NWD2: variants seen among roughly 807,000 people sequenced by gnomAD.
NWD2 encodes the protein NACHT and WD repeat domain-containing protein 2.
Under a neutral mutation model 132.7 loss-of-function variants are expected in NWD2, and 37 were observed. The ratio of observed to expected loss-of-function variants is 0.28; its 90% confidence interval spans 0.21 to 0.37. NWD2 has a LOEUF of 0.37. Ranked by LOEUF, NWD2 falls within the 10% of genes least tolerant of loss-of-function variation. NWD2 has a pLI of 1.00. For missense variants in NWD2, 1,592 were observed against 2,122.4 expected (o/e 0.75, Z 4.91); for synonymous variants, 705 against 803.0 (o/e 0.88, Z 2.06).
At chr4:37,385,250 T>C (rs1169516103) in intron 3 of NWD2, among the ~76,000 whole-genome samples, 1 of 152,128 alleles carries the variant, frequency 6.6e-6, no homozygotes, top group Admixed American at 6.5e-5. Context: ...ATTTAGGGGA[T>C]CAGTAAATAT....
intron 3 of NWD2, among the ~76,000 whole-genome samples, chr4:37,408,644 G>A (rs1721093403): frequency 6.6e-6 from 1 of 152,196 alleles, no homozygotes; most frequent in Non-Finnish European, 1.5e-5. Context: ...TCTGAAGAGA[G>A]CAGCAGACCT....
At chr4:37,365,869 G>C (rs917109593) in intron 3 of NWD2, among the ~76,000 whole-genome samples, 43 of 152,340 alleles carry the variant, frequency 2.8e-4, no homozygotes, top group African/African-American at 9.6e-4. Flanking sequence ...AAGTGGACGG[G>C]AGAGTACTCA....
intron 3 of NWD2, among the ~76,000 whole-genome samples, chr4:37,394,684 G>A (rs1024040604): frequency 6.6e-6 from 1 of 151,158 alleles, no homozygotes; most frequent in African/African-American, 2.4e-5. Flanking sequence ...TTACTAACTA[G>A]TGTTTGCAGT....
intron 1 of NWD2, among the ~76,000 whole-genome samples, chr4:37,324,285 A>G (rs1190373206): frequency 6.6e-6 from 1 of 152,134 alleles, no homozygotes; most frequent in Non-Finnish European, 1.5e-5. Context: ...TTCTTATATT[A>G]TTACATAATT....
At chr4:37,352,666 A>G (rs1719794024) in intron 2 of NWD2, among the ~76,000 whole-genome samples, 2 of 152,108 alleles carry the variant, frequency 1.3e-5, no homozygotes, top group Non-Finnish European at 2.9e-5. Context: ...GTTTTATCAG[A>G]GACTAGGATT....
chr4:37,310,888 G>T (rs1312230851), intron 1 of NWD2, among the ~76,000 whole-genome samples: 4 of 148,180 alleles, frequency 2.7e-5, no homozygotes, highest in African/African-American at 5.0e-5. Flanking sequence ...GCAGTGTTTG[G>T]TTTTTTGTCC....
At chr4:37,308,660 G>C (rs1444007925) in intron 1 of NWD2, among the ~76,000 whole-genome samples, 2 of 152,146 alleles carry the variant, frequency 1.3e-5, no homozygotes, top group African/African-American at 4.8e-5. Flanking sequence ...AGGCCCCTTG[G>C]GAGGGGACAT....
chr4:37,413,548 T>C (rs1341428875), intron 3 of NWD2, among the ~76,000 whole-genome samples: 1 of 152,222 alleles, frequency 6.6e-6, no homozygotes, highest in African/African-American at 2.4e-5. Flanking sequence ...TCAATCATTG[T>C]GGAAGACAGT....
intron 1 of NWD2, among the ~76,000 whole-genome samples, chr4:37,261,912 G>C (rs1717645167): frequency 6.6e-6 from 1 of 152,218 alleles, no homozygotes. Context: ...GATATATGGA[G>C]GACAAACATT....
intron 3 of NWD2, among the ~76,000 whole-genome samples, chr4:37,404,257 G>A (rs1720952261): frequency 6.6e-6 from 1 of 152,192 alleles, no homozygotes. Flanking sequence ...GAAGTACTCA[G>A]TAAGTGATAT....
chr4:37,277,203 G>A (rs1577652994), intron 1 of NWD2, among the ~76,000 whole-genome samples: 1 of 151,308 alleles, frequency 6.6e-6, no homozygotes, highest in East Asian at 1.9e-4. Context: ...TTTTCTTTGT[G>A]TTTAGAGTTT....
chr4:37,425,097 T>A (rs1711956409), intron 3 of NWD2, among the ~76,000 whole-genome samples: 3 of 152,244 alleles, frequency 2.0e-5, no homozygotes, highest in Admixed American at 2.0e-4. Context: ...AGAGTCTTTT[T>A]ACATTTAAGT....
intron 1 of NWD2, among the ~76,000 whole-genome samples, chr4:37,318,497 T>G (rs1303831635): frequency 6.6e-6 from 1 of 152,178 alleles, no homozygotes; most frequent in African/African-American, 2.4e-5. Context: ...CCTGGGTATA[T>G]TTCATGATGC....
At chr4:37,287,403 T>G (rs1309688235) in intron 1 of NWD2, among the ~76,000 whole-genome samples, 1 of 152,202 alleles carries the variant, frequency 6.6e-6, no homozygotes, top group Non-Finnish European at 1.5e-5. Context: ...CAACCTGGGT[T>G]GGGGAAGGGT....
At position 37,445,060 on chromosome 4, in the gene NWD2, T is replaced by C. The variant is rs182024840; in HGVS notation, c.3072T>C (p.Leu1024=). The C allele has an allele frequency of 3.9e-5, 61 of 1,551,824 alleles. No homozygotes were observed. The East Asian group carries it at 1.4e-3, about 36-fold the overall frequency. The change falls in exon 7 of 7, where the codon CTT becomes CTC. Residue 1024 remains leucine, a synonymous_variant. Transcript: ENST00000309447. The surrounding 1 kb of genome is among the most constrained non-coding windows in gnomAD (Gnocchi z 4.7). Reference sequence around the variant, plus strand: ...AACTCACCAGTGATGAAAAGTACCTTGTGGTGGCTACAACAAATAACACCT... The same window carrying C: ...AACTCACCAGTGATGAAAAGTACCTCGTGGTGGCTACAACAAATAACACCT... ...GMKLTSDEKY[L]VVATTNNTLL...
At position 37,351,288 on chromosome 4, in the gene NWD2, A is replaced by C. The variant is rs190141279; in HGVS notation, c.241-5078A>C. On this transcript the variant is annotated intron_variant, in intron 2 of 6. Coordinates refer to ENST00000309447, the MANE Select transcript of NWD2 (RefSeq NM_001144990.2). ...CCTCTTTGTACCCTCAGTAGAATCCAGCTGTGAATCCATCTGGTCCTGGAC... is the reference window on the plus strand; with the variant it reads ...CCTCTTTGTACCCTCAGTAGAATCCCGCTGTGAATCCATCTGGTCCTGGAC... 1.7e-3 allele frequency among the ~76,000 whole-genome samples: 252 copies of C among 152,234 alleles called. 2 individuals carry two copies. Among genetic ancestry groups the C allele is most frequent in the African/African-American group, 5.7e-3 (236 of 41,556 alleles).
At chr4:37,364,971 CA>C (rs1011214688) in intron 3 of NWD2, among the ~76,000 whole-genome samples, 1 of 152,286 alleles carries the variant, frequency 6.6e-6, no homozygotes, top group East Asian at 1.9e-4. Context: ...AAAGACAAGA[CA>C]AAGTGTGTAG....
rs1228313414 is a variant in NWD2, at chr4:37,444,680, A to T, written c.2692A>T (p.Ser898Cys). ...GAAGTTCCTGGCCAACACCCTCCGC[A>T]GCATCAAAAACAAGGTCACTGCATT... is the stretch of plus-strand genomic sequence containing the variant. ...ELKFLANTLRSIKNKVTAFPG... is the reference protein window; with the variant it reads ...ELKFLANTLRCIKNKVTAFPG... Residue 898 changes from serine (S) to cysteine (C), a missense_variant, in exon 7 of 7, where the codon AGC becomes TGC. This residue lies in a region of NWD2 where 1,071 missense variants were observed against 1,398.0 expected (regional missense o/e 0.77). Coordinates refer to ENST00000309447, the MANE Select transcript of NWD2 (RefSeq NM_001144990.2). This position sits in a 1 kb window ranked among gnomAD's most constrained non-coding sequence, Gnocchi z 4.8. 1.9e-6 allele frequency: 3 copies of T among 1,552,248 alleles called. No individual in the cohort carries two copies. In the South Asian group the frequency reaches 3.6e-5, roughly 18 times the overall value.
chr4:37,246,976 G>C (rs1717256128), intron 1 of NWD2, among the ~76,000 whole-genome samples: 1 of 152,138 alleles, frequency 6.6e-6, no homozygotes, highest in African/African-American at 2.4e-5. Context: ...CTGTCCATAT[G>C]ATTCTTCAAA....
Sources: gnomAD v4.1 joint callset for allele counts (sites outside exome capture counted in the v4.1 genomes callset) on GRCh38, gnomAD v4.1.1 for gene constraint, gnomAD v4.1.1 regional missense constraint, Gnocchi (gnomAD v3.1) non-coding constraint, MANE v1.5 for transcripts, NCBI Gene and HGNC (gene_info 2026-07-23, HGNC 2026-07-21) for gene names.